INPP4B: variants seen among roughly 807,000 people sequenced by gnomAD.
The protein encoded by INPP4B is inositol polyphosphate-4-phosphatase type II B, also known as inositol polyphosphate 4-phosphatase type II.
INPP4B carries 55 observed loss-of-function variants against 122.5 expected under a neutral mutation model. The observed-to-expected ratio is 0.45, with a 90% confidence interval of 0.36 to 0.56. The LOEUF (loss-of-function observed/expected upper bound fraction) is 0.56, where lower values mean the gene tolerates loss of function less well. Ranked by LOEUF, INPP4B falls within the 20% of genes least tolerant of loss-of-function variation. The pLI is 0.00. For missense variants in INPP4B, 1,000 were observed against 1,097.7 expected, an observed-to-expected ratio of 0.91 and a Z score of 1.26; for synonymous variants, 403 against 388.7, an observed-to-expected ratio of 1.04 and a Z score of -0.43.
chr4:142,427,264 A>C (rs938602389), intron 5 of INPP4B: 7 of 317,236 alleles, frequency 2.2e-5, no homozygotes, highest in Non-Finnish European at 3.9e-5. Context: ...TCAACAATAC[A>C]GTTCCATGAT....
chr4:142,754,130 G>A (rs950369783), intron 1 of INPP4B, among the ~76,000 whole-genome samples: 1 of 152,000 alleles, frequency 6.6e-6, no homozygotes, highest in African/African-American at 2.4e-5. Flanking sequence ...CAAACTTGCT[G>A]ATCTGGAATG....
At chr4:142,554,074 A>G (rs1314236929) in intron 2 of INPP4B, among the ~76,000 whole-genome samples, 7 of 151,862 alleles carry the variant, frequency 4.6e-5, no homozygotes, top group African/African-American at 1.7e-4. Flanking sequence ...CTGTAATCCC[A>G]GCTACTCTGG....
intron 25 of INPP4B, among the ~76,000 whole-genome samples, chr4:142,050,510 C>T (rs567958215): frequency 1.3e-5 from 2 of 152,104 alleles, no homozygotes; most frequent in African/African-American, 2.4e-5. Context: ...GCACTGTACA[C>T]AGCACATAGT....
intron 2 of INPP4B, among the ~76,000 whole-genome samples, chr4:142,550,642 C>A (rs1424293259): frequency 1.4e-5 from 2 of 144,696 alleles, no homozygotes; most frequent in African/African-American, 5.0e-5. Flanking sequence ...ACTTTACTGG[C>A]AAGAAACTGG....
At chr4:142,340,106 C>T (rs548959226) in intron 7 of INPP4B, among the ~76,000 whole-genome samples, 3 of 152,152 alleles carry the variant, frequency 2.0e-5, no homozygotes, top group Admixed American at 2.0e-4. Flanking sequence ...CCACTAAAAG[C>T]ACATCGCATG....
chr4:142,620,697 A>G (rs112797105), intron 2 of INPP4B, among the ~76,000 whole-genome samples: 3 of 152,168 alleles, frequency 2.0e-5, no homozygotes, highest in African/African-American at 4.8e-5. Context: ...AAAAATAAAA[A>G]AAAGTTAAGA....
At chr4:142,517,855 C>T (rs1265278382) in intron 2 of INPP4B, among the ~76,000 whole-genome samples, 2 of 152,144 alleles carry the variant, frequency 1.3e-5, no homozygotes, top group South Asian at 2.1e-4. Flanking sequence ...ATTGAAAGTA[C>T]AGATTCATAG....
At chr4:142,454,703 G>A (rs2149534098) in intron 3 of INPP4B, among the ~76,000 whole-genome samples, 1 of 152,040 alleles carries the variant, frequency 6.6e-6, no homozygotes, top group East Asian at 1.9e-4. Context: ...TGGGACATTG[G>A]GCAATTTACT....
At chr4:142,476,333 G>A (rs72724598) in intron 2 of INPP4B, among the ~76,000 whole-genome samples, 4 of 152,232 alleles carry the variant, frequency 2.6e-5, no homozygotes, top group Non-Finnish European at 5.9e-5. Flanking sequence ...AGGTTCTTAA[G>A]AGAGTGCTAA....
chr4:142,553,418 A>T (rs1158195110), intron 2 of INPP4B, among the ~76,000 whole-genome samples: 4 of 152,212 alleles, frequency 2.6e-5, no homozygotes, highest in Non-Finnish European at 4.4e-5. Context: ...TCCACAAAGC[A>T]GCTTGTAGAA....
intron 2 of INPP4B, among the ~76,000 whole-genome samples, chr4:142,692,618 A>C (rs1760351310): frequency 6.6e-6 from 1 of 152,212 alleles, no homozygotes; most frequent in African/African-American, 2.4e-5. Context: ...GATCTGACCT[A>C]AAACAAAGTT....
At chr4:142,718,450 C>T (rs888470882) in intron 2 of INPP4B, among the ~76,000 whole-genome samples, 1 of 152,176 alleles carries the variant, frequency 6.6e-6, no homozygotes, top group South Asian at 2.1e-4. Context: ...GATCTTATTC[C>T]TTGCCCCTTC....
intron 2 of INPP4B, among the ~76,000 whole-genome samples, chr4:142,638,421 C>T (rs1213572781): frequency 1.3e-5 from 2 of 151,992 alleles, no homozygotes; most frequent in Admixed American, 6.6e-5. Context: ...TATTGTAGTA[C>T]TATTTGTTGA....
intron 2 of INPP4B, among the ~76,000 whole-genome samples, chr4:142,589,953 A>T (rs948682739): frequency 2.0e-5 from 3 of 152,198 alleles, no homozygotes; most frequent in African/African-American, 7.2e-5. Flanking sequence ...GCAATTAAAA[A>T]ATAAGCTGTT....
chr4:142,439,297 C>A (rs967401505), intron 3 of INPP4B, among the ~76,000 whole-genome samples: 5 of 152,140 alleles, frequency 3.3e-5, no homozygotes, highest in Non-Finnish European at 5.9e-5. Context: ...GTGTAATTCT[C>A]CCCCTTCCGT....
chr4:142,061,917 T>TGGTCTCC (rs1761063879), intron 25 of INPP4B, among the ~76,000 whole-genome samples: 1 of 39,502 alleles, frequency 2.5e-5, no homozygotes, highest in African/African-American at 1.4e-4. Flanking sequence ...TATATATATA[T>TGGTCTCC]ATATATATAT....
intron 1 of INPP4B, chr4:142,766,854 T>A (rs1772227837): frequency 6.6e-6 from 1 of 152,162 alleles, no homozygotes; most frequent in Non-Finnish European, 1.5e-5. Flanking sequence ...GAAGAATACA[T>A]GTACATGTGG....
At chr4:142,271,877 G>A (rs1235966325) in intron 9 of INPP4B, among the ~76,000 whole-genome samples, 2 of 152,072 alleles carry the variant, frequency 1.3e-5, no homozygotes, top group Non-Finnish European at 2.9e-5. Context: ...ATAAGTTTAC[G>A]AGCCACACTT....
intron 1 of INPP4B, among the ~76,000 whole-genome samples, chr4:142,763,503 T>G (rs1183925354): frequency 6.6e-6 from 1 of 152,062 alleles, no homozygotes; most frequent in East Asian, 1.9e-4. Context: ...ATAAACAGGA[T>G]GGAAGAGTTT....
Sources: gnomAD v4.1 joint callset for allele counts (sites outside exome capture counted in the v4.1 genomes callset) on GRCh38, gnomAD v4.1.1 for gene constraint, MANE v1.5 for transcripts, NCBI Gene and HGNC (gene_info 2026-07-23, HGNC 2026-07-21) for gene names.